SLC35F5: variants seen among roughly 807,000 people sequenced by gnomAD.
SLC35F5 encodes solute carrier family 35 member F5.
SLC35F5 carries 54 observed loss-of-function variants against 68.6 expected under a neutral mutation model. The ratio of observed to expected loss-of-function variants is 0.79; its 90% CI spans 0.63 to 0.99. The LOEUF (loss-of-function observed/expected upper bound fraction) is 0.99, where lower values mean the gene tolerates loss of function less well. SLC35F5 is among the 50% of genes least tolerant of loss of function. The pLI is 0.00. For synonymous variants in SLC35F5, 211 were observed against 205.2 expected (o/e 1.03, Z -0.24); for missense variants, 567 against 626.9 (o/e 0.90, Z 1.02).
Position 113,743,808 on chromosome 2 carries a change from G to GA in SLC35F5, c.481-15dup. 1.3e-6 allele frequency: 2 copies of GA among 1,567,878 alleles called. No homozygotes were observed. The highest frequency in any genetic ancestry group is 1.2e-5 in the South Asian group (1 of 83,122). On this transcript the variant is annotated splice_polypyrimidine_tract_variant and intron_variant, in intron 5 of 15. Transcript: ENST00000245680. ...CAGAGGTTCACTCTGGAATGTAACAGAAAAAAATATAAACAACAAATATAA... is the reference window on the plus strand; with the variant it reads ...CAGAGGTTCACTCTGGAATGTAACAGAAAAAAAATATAAACAACAAATATAA...
Position 113,714,436 on chromosome 2 carries a change from G to C in SLC35F5, c.*782C>G, listed in dbSNP as rs1687103139. ...CATTATGAAAATTTCTTAATTGAAG[G>C]GAGACTATTTCTTCAAAACTCTAAA... On this transcript the variant is annotated 3_prime_UTR_variant, in exon 16 of 16. Coordinates refer to ENST00000245680, the MANE Select transcript of SLC35F5 (RefSeq NM_025181.5). 6.6e-6 allele frequency: 1 copy of C among 151,884 alleles called. No homozygotes were observed. Among genetic ancestry groups the C allele is most frequent in the Non-Finnish European group, 1.5e-5 (1 of 67,902 alleles). The allele number at this position is 151,884 out of a possible 1,614,324, so 9.4% of individuals were successfully genotyped here.
In SLC35F5 at chr2:113,735,393, C is replaced by T. The variant is rs1688048923; in HGVS notation, c.832+384G>A. Among the ~76,000 whole-genome samples the T allele has an allele frequency of 2.6e-5, 4 of 152,218 alleles. No individual in the cohort carries two copies. The South Asian group carries it at 8.3e-4, about 31-fold the overall frequency. The stretch of plus-strand genomic sequence containing the variant: ...CAAACCTAAATGGTATAGCCTACTA[C>T]ACAGCTAGGCTATATGCTATAAGCC... On this transcript the variant is annotated intron_variant, in intron 8 of 15. Transcript: ENST00000245680.
At chr2:113,755,090 G>T in intron 3 of SLC35F5, 75 bp downstream of exon 3, 1 of 1,428,396 alleles carries the variant, frequency 7.0e-7, no homozygotes, top group Non-Finnish European at 9.6e-7. Context: ...AGATTGTAAC[G>T]GCTAGAGTTA....
chr2:113,738,335 A>G (rs1278484011), intron 7 of SLC35F5, among the ~76,000 whole-genome samples: 1 of 152,148 alleles, frequency 6.6e-6, no homozygotes, highest in African/African-American at 2.4e-5. Flanking sequence ...AAGTGAGATC[A>G]TATTTGTGAG....
At chr2:113,744,380 C>A (rs1420527556) in intron 5 of SLC35F5, among the ~76,000 whole-genome samples, 2 of 152,178 alleles carry the variant, frequency 1.3e-5, no homozygotes, top group Non-Finnish European at 2.9e-5. Context: ...CTACTACTTA[C>A]CAGTTCTTAC....
At chr2:113,755,712 C>T in intron 1 of SLC35F5, 168 bp from the exon 2 acceptor site, 1 of 1,030,524 alleles carries the variant, frequency 9.7e-7, no homozygotes, top group South Asian at 1.4e-5. Flanking sequence ...GTATCCACTG[C>T]ACGCTTCAGA....
chr2:113,735,665 G>A, intron 8 of SLC35F5, 112 bp downstream of exon 8: 1 of 639,192 alleles, frequency 1.6e-6, no homozygotes, highest in Non-Finnish European at 2.7e-6. Flanking sequence ...ATGTATATTA[G>A]AACTAATGTA....
At position 113,719,328 on chromosome 2, in the gene SLC35F5, G is replaced by GA; in HGVS notation, c.1342-21dup. 5 of 1,529,010 alleles carry GA rather than the reference G, an allele frequency of 3.3e-6. No homozygotes were observed. The highest frequency in any genetic ancestry group is 1.3e-5 in the South Asian group (1 of 78,448). 94.7% of individuals were successfully genotyped at this position (1,529,010 alleles called of 1,614,324 possible). A position where few individuals can be genotyped will look rare whatever the true frequency, so the allele number is the denominator to read the frequency against. On this transcript the variant is annotated intron_variant, in intron 13 of 15. Coordinates refer to ENST00000245680, the MANE Select transcript of SLC35F5 (RefSeq NM_025181.5). ...CTGCACCTAAAAATAAAAGATAGAG[G>GA]AAAAAACACACCCACAATTATCATT...
chr2:113,730,691 C>T (rs958028072), intron 10 of SLC35F5, among the ~76,000 whole-genome samples: 1 of 152,212 alleles, frequency 6.6e-6, no homozygotes, highest in Non-Finnish European at 1.5e-5. Context: ...ACCTTGGCCT[C>T]CCAAAGCACT....
At chr2:113,724,686 C>T (rs1687589137) in intron 12 of SLC35F5, among the ~76,000 whole-genome samples, 1 of 152,066 alleles carries the variant, frequency 6.6e-6, no homozygotes, top group Non-Finnish European at 1.5e-5. Flanking sequence ...ATTTTATTCA[C>T]TTAGGTTTTA....
chr2:113,748,698 T>C lies in SLC35F5; in HGVS notation c.417+1727A>G, dbSNP rs183437963. On this transcript the variant is annotated intron_variant, in intron 4 of 15. Coordinates refer to ENST00000245680, the MANE Select transcript of SLC35F5 (RefSeq NM_025181.5). ...TTCTACAATGTATATGTATTACTTT[T>C]GCAAAGTAAAAAAATACATACTCAT... Among the ~76,000 whole-genome samples the C allele has an allele frequency of 1.1e-3, 168 of 152,376 alleles. 1 individual carries two copies. The highest frequency in any genetic ancestry group is 3.8e-3 in the African/African-American group (160 of 41,586).
chr2:113,715,774 AG>A (rs1687154159), intron 15 of SLC35F5, among the ~76,000 whole-genome samples: 2 of 152,076 alleles, frequency 1.3e-5, no homozygotes, highest in African/African-American at 4.8e-5. Flanking sequence ...AAAAAAAAAA[AG>A]TTTTGCTGTA....
At chr2:113,717,884 C>CTT (rs757990462) in intron 14 of SLC35F5, 34 bp from the exon 15 acceptor site, 1 of 1,507,452 alleles carries the variant, frequency 6.6e-7, no homozygotes, top group Non-Finnish European at 9.1e-7. Context: ...TTAAGGAAAG[C>CTT]TTTAGAGCTG....
At chr2:113,742,358 A>G (rs1559351158) in intron 7 of SLC35F5, 1 of 379,410 alleles carries the variant, frequency 2.6e-6, no homozygotes, top group Non-Finnish European at 4.7e-6. Flanking sequence ...TTGTATATAC[A>G]TATATCACAG....
At chr2:113,718,864 A>AG (rs1687280715) in intron 14 of SLC35F5, among the ~76,000 whole-genome samples, 1 of 115,128 alleles carries the variant, frequency 8.7e-6, no homozygotes, top group Non-Finnish European at 1.8e-5. Flanking sequence ...AGAGAGAAAG[A>AG]AAAAGAAAGA....
rs1687035177 is a variant in SLC35F5, at chr2:113,712,775, AAAG to A, written c.*2440_*2442del. The A allele has an allele frequency of 2.0e-5, 3 of 152,280 alleles. No individual in the cohort carries two copies. Among genetic ancestry groups the A allele is most frequent in the African/African-American group, 7.2e-5 (3 of 41,482 alleles). The allele number at this position is 152,280 out of a possible 1,614,324, so 9.4% of individuals were successfully genotyped here. A position where few individuals can be genotyped will look rare whatever the true frequency, so the allele number is the denominator to read the frequency against. On this transcript the variant is annotated 3_prime_UTR_variant, in exon 16 of 16. Coordinates refer to ENST00000245680, the MANE Select transcript of SLC35F5 (RefSeq NM_025181.5). The stretch of plus-strand genomic sequence containing the variant: ...GAGATTTAAGTGATGAATGGAAAGA[AAAG>A]AAGGAGACTGAAAAGATATCAGAAA...
At chr2:113,753,195 T>TTG (rs1676827107) in intron 3 of SLC35F5, among the ~76,000 whole-genome samples, 2 of 131,978 alleles carry the variant, frequency 1.5e-5, no homozygotes, top group African/African-American at 5.6e-5. Flanking sequence ...TTTTTTTTTT[T>TTG]GCTAAGGAGT....
chr2:113,722,721 A>G (rs530094218), intron 13 of SLC35F5, among the ~76,000 whole-genome samples: 1 of 152,318 alleles, frequency 6.6e-6, no homozygotes, highest in Admixed American at 6.5e-5. Flanking sequence ...TTTACTGCAA[A>G]CAGCATGATT....
At chr2:113,748,277 T>C (rs1676593489) in intron 4 of SLC35F5, among the ~76,000 whole-genome samples, 1 of 152,006 alleles carries the variant, frequency 6.6e-6, no homozygotes. Flanking sequence ...GCAATTCTCA[T>C]GCCTCAGCCT....
Sources: allele counts gnomAD v4.1 joint callset (sites outside exome capture counted in the v4.1 genomes callset), GRCh38; gene constraint gnomAD v4.1.1; transcripts MANE v1.5; gene names NCBI Gene and HGNC (gene_info 2026-07-23, HGNC 2026-07-21).